Variants in EYS observed in about 807,000 individuals in gnomAD.
The protein encoded by EYS is protein eyes shut homolog.
Under a neutral mutation model 282.1 loss-of-function variants are expected in EYS, and 250 were observed. The observed-to-expected ratio is 0.89, with a 90% CI of 0.80 to 0.98. EYS has a LOEUF of 0.98. EYS is among the 50% of genes least tolerant of loss of function. EYS has a pLI of 0.00. For synonymous variants in EYS, 1,355 were observed against 1,282.9 expected, an observed-to-expected ratio of 1.06 and a Z score of -1.20; for missense variants, 4,016 against 3,709.0, an observed-to-expected ratio of 1.08 and a Z score of -2.15.
chr6:65,491,639 T>C (rs913189905), intron 4 of EYS: 1 of 404,420 alleles, frequency 2.5e-6, no homozygotes, highest in Non-Finnish European at 4.8e-6. Context: ...AAAATCATTG[T>C]GTTTCAAAAG....
At chr6:65,696,618 C>A (rs1264708768) in intron 1 of EYS, among the ~76,000 whole-genome samples, 2 of 151,902 alleles carry the variant, frequency 1.3e-5, no homozygotes, top group Admixed American at 6.6e-5. Context: ...GAAACCTCTT[C>A]AAATTCTCAA....
At chr6:65,673,324 G>A (rs2149833755) in intron 1 of EYS, among the ~76,000 whole-genome samples, 1 of 152,154 alleles carries the variant, frequency 6.6e-6, no homozygotes, top group South Asian at 2.1e-4. Flanking sequence ...GCCGAAGGAA[G>A]ATTTTGTGGT....
intron 12 of EYS, among the ~76,000 whole-genome samples, chr6:65,218,217 A>C (rs1165813206): frequency 1.3e-5 from 2 of 152,104 alleles, no homozygotes; most frequent in South Asian, 2.1e-4. Context: ...GATAGTTATA[A>C]AGCAGAAAGT....
At chr6:64,111,155 C>T (rs1773190544) in intron 31 of EYS, among the ~76,000 whole-genome samples, 2 of 151,922 alleles carry the variant, frequency 1.3e-5, no homozygotes, top group East Asian at 1.9e-4. Flanking sequence ...ATCTGAGTTA[C>T]TTAGGGTCTT....
intron 41 of EYS, among the ~76,000 whole-genome samples, chr6:63,727,618 C>T (rs1292669867): frequency 7.1e-6 from 1 of 140,360 alleles, no homozygotes; most frequent in African/African-American, 2.7e-5. Flanking sequence ...CTCCTGTAAT[C>T]CCAGCACTTT....
intron 22 of EYS, among the ~76,000 whole-genome samples, chr6:64,743,961 A>G (rs1294376988): frequency 6.6e-6 from 1 of 152,080 alleles, no homozygotes; most frequent in East Asian, 1.9e-4. Flanking sequence ...ATCATTTTCT[A>G]TTTCTAGAAT....
intron 31 of EYS, among the ~76,000 whole-genome samples, chr6:64,114,050 G>GA (rs911319425): frequency 1.3e-5 from 2 of 151,900 alleles, no homozygotes; most frequent in Non-Finnish European, 2.9e-5. Flanking sequence ...GCCCTTTACA[G>GA]AAAAAAACTT....
At chr6:65,489,162 A>G (rs970914133) in intron 5 of EYS, among the ~76,000 whole-genome samples, 2 of 152,234 alleles carry the variant, frequency 1.3e-5, no homozygotes, top group Non-Finnish European at 2.9e-5. Context: ...CCACACAGCA[A>G]AAGAAATTGT....
chr6:63,858,594 AG>A (rs1338615381), intron 36 of EYS, among the ~76,000 whole-genome samples: 6 of 152,300 alleles, frequency 3.9e-5, no homozygotes, highest in African/African-American at 1.4e-4. Context: ...ACAGAGAGAA[AG>A]AGGAATCACT....
chr6:65,422,998 T>A (rs571299804), intron 5 of EYS, among the ~76,000 whole-genome samples: 1 of 151,690 alleles, frequency 6.6e-6, no homozygotes, highest in Non-Finnish European at 1.5e-5. Flanking sequence ...GTTCATTCAG[T>A]CAAAAAGCAC....
At chr6:64,567,230 G>A (rs1156248568) in intron 26 of EYS, among the ~76,000 whole-genome samples, 1 of 151,886 alleles carries the variant, frequency 6.6e-6, no homozygotes, top group Non-Finnish European at 1.5e-5. Flanking sequence ...TACGGAGTGA[G>A]AGTATACATC....
rs1193790078 is a variant in EYS, at chr6:64,019,867, T to TAC, written c.6726-20686_6726-20685dup. Among the ~76,000 whole-genome samples, 108 of 145,306 alleles carry TAC rather than the reference T, an allele frequency of 7.4e-4. 1 individual carries two copies. The highest frequency in any genetic ancestry group is 7.1e-3 in the South Asian group (33 of 4,638). ...ATATATAAGTATATATATATATATA[T>TAC]ACTTACATATATAAGTGTATATAAG... On this transcript the variant is annotated intron_variant, in intron 33 of 42. Transcript: ENST00000503581.
intron 26 of EYS, among the ~76,000 whole-genome samples, chr6:64,494,559 A>G (rs1486378836): frequency 6.6e-6 from 1 of 151,118 alleles, no homozygotes; most frequent in African/African-American, 2.4e-5. Context: ...AACTGTTATT[A>G]GTTCAATGGA....
chr6:64,707,139 A>G (rs1341602908), intron 22 of EYS, among the ~76,000 whole-genome samples: 2 of 139,040 alleles, frequency 1.4e-5, no homozygotes, highest in Non-Finnish European at 3.2e-5. Flanking sequence ...ACATATATAT[A>G]TGTGTCATGG....
At chr6:65,073,771 A>G (rs1448311900) in intron 12 of EYS, among the ~76,000 whole-genome samples, 1 of 152,004 alleles carries the variant, frequency 6.6e-6, no homozygotes, top group Non-Finnish European at 1.5e-5. Context: ...TGTTAAGTGT[A>G]AGATTATATA....
At chr6:65,675,075 G>C (rs983133088) in intron 1 of EYS, among the ~76,000 whole-genome samples, 2 of 151,764 alleles carry the variant, frequency 1.3e-5, no homozygotes, top group Non-Finnish European at 2.9e-5. Context: ...TTTTATGGAA[G>C]CCCCATGGTA....
chr6:65,630,488 C>T (rs1474473253), intron 2 of EYS, among the ~76,000 whole-genome samples: 4 of 152,088 alleles, frequency 2.6e-5, no homozygotes, highest in African/African-American at 7.2e-5. Flanking sequence ...ACATATTTCT[C>T]AATGTAAATA....
rs190723412 is a variant in EYS at position 64,327,333 on chromosome 6, G to A, written c.6079-20251C>T. The stretch of plus-strand genomic sequence containing the variant: ...AAGTGAGAGTGAAAGCACCTCGCAA[G>A]GGAGGAAATGGGAGGAAAAGTATCA... On this transcript the variant is annotated intron_variant, in intron 29 of 42. Transcript: ENST00000503581. 3.5e-3 allele frequency among the ~76,000 whole-genome samples: 535 copies of A among 152,222 alleles called. 3 individuals are homozygous for A. The highest frequency in any genetic ancestry group is 0.012 in the African/African-American group (514 of 41,526).
intron 19 of EYS, among the ~76,000 whole-genome samples, chr6:64,845,064 G>A (rs1010413825): frequency 6.6e-6 from 1 of 152,088 alleles, no homozygotes; most frequent in African/African-American, 2.4e-5. Context: ...AGAGGCGGGA[G>A]GATTGCCTGA....
Sources: allele counts gnomAD v4.1 joint callset (sites outside exome capture counted in the v4.1 genomes callset), GRCh38; gene constraint gnomAD v4.1.1; transcripts MANE v1.5; gene names NCBI Gene and HGNC (gene_info 2026-07-23, HGNC 2026-07-21).